The following SGCD variants were observed in gnomAD, a reference collection of about 807,000 sequenced individuals.
The protein encoded by SGCD is sarcoglycan delta.
In SGCD, 18 loss-of-function variants were observed where a neutral mutation model predicts 36.6. That is an observed-to-expected ratio of 0.49 (90% CI 0.34 to 0.73). The LOEUF (loss-of-function observed/expected upper bound fraction) is 0.73. SGCD is among the 30% of genes least tolerant of loss of function. The pLI is 0.01. For synonymous variants in SGCD, 133 were observed against 130.6 expected, an observed-to-expected ratio of 1.02 and a Z score of -0.12; for missense variants, 387 against 346.7, an observed-to-expected ratio of 1.12 and a Z score of -0.92.
At chr5:156,488,321 C>A (rs972072818) in intron 3 of SGCD, among the ~76,000 whole-genome samples, 2 of 151,714 alleles carry the variant, frequency 1.3e-5, no homozygotes, top group African/African-American at 2.4e-5. Context: ...AAGCTCAAAA[C>A]CCCCCAAATG....
chr5:156,113,184 T>C (rs539103766), intron 1 of SGCD, among the ~76,000 whole-genome samples: 1 of 152,298 alleles, frequency 6.6e-6, no homozygotes, highest in South Asian at 2.1e-4. Flanking sequence ...ACACTTTTTA[T>C]AGGGGAGGAC....
chr5:156,395,115 A>G (rs1396735468), intron 3 of SGCD, among the ~76,000 whole-genome samples: 2 of 152,200 alleles, frequency 1.3e-5, no homozygotes, highest in African/African-American at 4.8e-5. Flanking sequence ...GGGAGAAGCA[A>G]GGGCTATTTA....
At chr5:156,285,555 C>G (rs894057699) in intron 3 of SGCD, among the ~76,000 whole-genome samples, 1 of 152,066 alleles carries the variant, frequency 6.6e-6, no homozygotes, top group African/African-American at 2.4e-5. Flanking sequence ...ACAAACCTGA[C>G]AAAAACAAGC....
chr5:156,627,065 AATGATTTTTCAAGTT>A (rs769968532), intron 6 of SGCD, among the ~76,000 whole-genome samples: 3 of 152,162 alleles, frequency 2.0e-5, no homozygotes, highest in Non-Finnish European at 4.4e-5. Flanking sequence ...CCAATCCTGA[AATGATTTTTCAAGTT>A]ATGATCAATT....
intron 3 of SGCD, among the ~76,000 whole-genome samples, chr5:156,316,174 T>C (rs1767514339): frequency 6.6e-6 from 1 of 151,936 alleles, no homozygotes. Flanking sequence ...TTCTCTACAC[T>C]ATAGCAAACT....
chr5:156,277,337 T>C (rs1197517621), intron 3 of SGCD, among the ~76,000 whole-genome samples: 4 of 152,196 alleles, frequency 2.6e-5, no homozygotes, highest in Non-Finnish European at 5.9e-5. Flanking sequence ...GGCAACATTA[T>C]TGTTACCTTT....
At chr5:156,090,739 T>G (rs1459962369) in intron 1 of SGCD, among the ~76,000 whole-genome samples, 1 of 152,156 alleles carries the variant, frequency 6.6e-6, no homozygotes, top group Admixed American at 6.6e-5. Flanking sequence ...CTCAACCGCA[T>G]AAGACAGACA....
At chr5:156,457,988 C>T (rs890285629) in intron 3 of SGCD, among the ~76,000 whole-genome samples, 5 of 152,228 alleles carry the variant, frequency 3.3e-5, no homozygotes, top group African/African-American at 9.6e-5. Context: ...GTGGGCCAAC[C>T]CCTCCCCAGT....
the SGCD span, among the ~76,000 whole-genome samples, chr5:155,775,335 C>T: frequency 6.6e-6 from 1 of 152,010 alleles, no homozygotes; most frequent in East Asian, 1.9e-4. Flanking sequence ...TTTCATAGAG[C>T]ACATAACACA....
chr5:156,623,442 C>G (rs1424505997), intron 6 of SGCD, among the ~76,000 whole-genome samples: 1 of 152,212 alleles, frequency 6.6e-6, no homozygotes. Context: ...AGTCGTGCAG[C>G]CTGCTCTATA....
chr5:156,086,200 T>TA (rs1761087160), intron 1 of SGCD, among the ~76,000 whole-genome samples: 1 of 152,260 alleles, frequency 6.6e-6, no homozygotes, highest in Non-Finnish European at 1.5e-5. Flanking sequence ...GCTGTAATTT[T>TA]AAAAAATAAT....
intron 3 of SGCD, among the ~76,000 whole-genome samples, chr5:156,282,940 T>C (rs1766490351): frequency 1.3e-5 from 2 of 152,214 alleles, no homozygotes; most frequent in Non-Finnish European, 1.5e-5. Context: ...GCATTTTTGA[T>C]GATTTCTATA....
chr5:156,266,972 A>G (rs1766013547), intron 3 of SGCD, among the ~76,000 whole-genome samples: 1 of 152,178 alleles, frequency 6.6e-6, no homozygotes, highest in South Asian at 2.1e-4. Flanking sequence ...TCTTACTGTA[A>G]GATATCAGAT....
chr5:156,397,459 C>A (rs1771920550), intron 3 of SGCD, among the ~76,000 whole-genome samples: 1 of 152,192 alleles, frequency 6.6e-6, no homozygotes, highest in East Asian at 1.9e-4. Context: ...ACTTTTTCCT[C>A]TCCGTTCTAG....
At chr5:155,896,463 C>T (rs111337309) in intron 1 of SGCD, among the ~76,000 whole-genome samples, 24,880 of 98,650 alleles carry the variant, frequency 0.25, 2,824 homozygotes, top group Admixed American at 0.51. Context: ...TGGTGAAACC[C>T]TGTCTCTACA....
chr5:156,214,057 C>G (rs988400962), intron 3 of SGCD, among the ~76,000 whole-genome samples: 21 of 151,902 alleles, frequency 1.4e-4, no homozygotes, highest in Admixed American at 1.4e-3. Flanking sequence ...GACAAGGATG[C>G]CCACTTTTAC....
rs1189540837 is a variant in SGCD at position 156,269,505 on chromosome 5, A to AAAAAAAAAACAAAAC, written c.-43-60024_-43-60023insAAAACAAAACAAAAA. Among the ~76,000 whole-genome samples the AAAAAAAAAACAAAAC allele has an allele frequency of 3.5e-5, 3 of 86,196 alleles. 1 individual carries two copies. Among genetic ancestry groups the AAAAAAAAAACAAAAC allele is most frequent in the African/African-American group, 1.0e-4 (2 of 19,380 alleles). The allele number at this position is 86,196 out of a possible 152,430, so 56.5% of individuals were successfully genotyped here. A position where few individuals can be genotyped will look rare whatever the true frequency, so the allele number is the denominator to read the frequency against. ...AAAAAAAAAAAAAAAAAAAAAAAAA[A>AAAAAAAAAACAAAAC]AAAAACCATCAGATCTCATGAAACT... On this transcript the variant is annotated intron_variant, in intron 3 of 9. Coordinates refer to the SGCD transcript ENST00000517913.
chr5:155,735,873 T>C, the SGCD span, among the ~76,000 whole-genome samples: 1 of 152,174 alleles, frequency 6.6e-6, no homozygotes. Flanking sequence ...TGGAGTAGGA[T>C]CCTCCTTTGA....
chr5:156,564,844 C>A (rs2113260806), intron 4 of SGCD, among the ~76,000 whole-genome samples: 1 of 152,264 alleles, frequency 6.6e-6, no homozygotes, highest in South Asian at 2.1e-4. Flanking sequence ...TTTTTTAAGA[C>A]TGAATAATAT....
Sources: allele counts gnomAD v4.1 joint callset (sites outside exome capture counted in the v4.1 genomes callset), GRCh38; gene constraint gnomAD v4.1.1; transcripts MANE v1.5; gene names NCBI Gene and HGNC (gene_info 2026-07-23, HGNC 2026-07-21).